The following ITPR1 variants were observed in gnomAD, a reference collection of about 807,000 sequenced individuals.
ITPR1 encodes inositol 1,4,5-trisphosphate receptor type 1.
ITPR1 carries 96 observed loss-of-function variants against 318.4 expected under a neutral mutation model. That is an observed-to-expected ratio of 0.30 (90% CI 0.26 to 0.36). The LOEUF (loss-of-function observed/expected upper bound fraction) is 0.36. Among genes scored for constraint, ITPR1 ranks in the 10% least tolerant of loss-of-function variants. The pLI is 1.00. For missense variants in ITPR1, 2,440 were observed against 3,460.2 expected, an observed-to-expected ratio of 0.71 and a Z score of 7.40; for synonymous variants, 1,312 against 1,289.9, an observed-to-expected ratio of 1.02 and a Z score of -0.37.
At chr3:4,670,424 A>G (rs1196664492) in intron 19 of ITPR1, among the ~76,000 whole-genome samples, 1 of 152,102 alleles carries the variant, frequency 6.6e-6, no homozygotes, top group Non-Finnish European at 1.5e-5. Flanking sequence ...GGCACTGTAA[A>G]ATGTTCAGCA....
intron 6 of ITPR1, among the ~76,000 whole-genome samples, chr3:4,640,328 T>A (rs13099733): frequency 0.045 from 6,873 of 152,278 alleles, 245 homozygotes; most frequent in East Asian, 0.16. Context: ...AAAAGCAACC[T>A]TTGGGGTTTA....
intron 33 of ITPR1, among the ~76,000 whole-genome samples, 160 bp downstream of exon 33, chr3:4,693,901 C>T (rs146916761): frequency 7.2e-4 from 109 of 152,352 alleles, no homozygotes; most frequent in Middle Eastern, 6.8e-3. Flanking sequence ...AAAACATTTT[C>T]TCGAGCATTG....
At chr3:4,517,153 G>T (rs1333124252) in intron 3 of ITPR1, among the ~76,000 whole-genome samples, 6 of 151,998 alleles carry the variant, frequency 3.9e-5, no homozygotes, top group Non-Finnish European at 8.8e-5. Context: ...AACTTTTAAG[G>T]GTATAAATAT....
chr3:4,507,819 G>C (rs2081501295), intron 2 of ITPR1, among the ~76,000 whole-genome samples: 1 of 152,180 alleles, frequency 6.6e-6, no homozygotes, highest in African/African-American at 2.4e-5. Context: ...GATGCTTATT[G>C]CTCTTAGGTT....
intron 6 of ITPR1, 68 bp from the exon 7 acceptor site, chr3:4,642,025 T>C: frequency 7.7e-7 from 1 of 1,305,564 alleles, no homozygotes; most frequent in Non-Finnish European, 1.0e-6. Context: ...GTTGGTATGA[T>C]TGAGAGAAGG....
intron 4 of ITPR1, among the ~76,000 whole-genome samples, chr3:4,525,853 C>G (rs1429708999): frequency 6.6e-6 from 1 of 152,164 alleles, no homozygotes; most frequent in Non-Finnish European, 1.5e-5. Context: ...AGTCCCTCCC[C>G]CAGCTCCCCC....
chr3:4,595,698 TG>T (rs78656895), intron 4 of ITPR1, among the ~76,000 whole-genome samples: 21,845 of 151,844 alleles, frequency 0.14, 2,583 homozygotes, highest in East Asian at 0.4. Flanking sequence ...GAGTAGGAGC[TG>T]GGGGTTGCAG....
chr3:4,800,281 A>T (rs947520728), intron 53 of ITPR1, 144 bp from the exon 54 acceptor site: 28 of 702,898 alleles, frequency 4.0e-5, no homozygotes, highest in Admixed American at 9.8e-5. Context: ...CTGGTTATGG[A>T]TGGGGCAGAG....
intron 30 of ITPR1, 146 bp downstream of exon 30, chr3:4,685,352 T>C: frequency 2.6e-6 from 2 of 771,904 alleles, no homozygotes; most frequent in Non-Finnish European, 3.9e-6. Flanking sequence ...GGTATTGATA[T>C]GAAACAGAGC....
At chr3:4,736,681 A>G (rs530999159) in intron 44 of ITPR1, among the ~76,000 whole-genome samples, 4 of 151,198 alleles carry the variant, frequency 2.6e-5, no homozygotes, top group African/African-American at 4.9e-5. Flanking sequence ...TTATTTTGTC[A>G]TGTGTGTGTG....
intron 55 of ITPR1, among the ~76,000 whole-genome samples, chr3:4,810,012 A>G (rs1575336121): frequency 6.6e-6 from 1 of 152,220 alleles, no homozygotes; most frequent in African/African-American, 2.4e-5. Context: ...GGAGGCAGAA[A>G]AGCCAATCGA....
intron 15 of ITPR1, among the ~76,000 whole-genome samples, chr3:4,662,800 C>T (rs1283113208): frequency 1.3e-5 from 2 of 152,152 alleles, no homozygotes; most frequent in African/African-American, 4.8e-5. Flanking sequence ...AACCACATTA[C>T]TAAATGTCAG....
chr3:4,704,557 G>C (rs571328823), intron 36 of ITPR1, among the ~76,000 whole-genome samples: 1 of 151,668 alleles, frequency 6.6e-6, no homozygotes, highest in Admixed American at 6.5e-5. Context: ...ATAAAAGTTG[G>C]AAAAAAGAAA....
chr3:4,608,445 A>G (rs1010691258), intron 4 of ITPR1, among the ~76,000 whole-genome samples: 2 of 152,152 alleles, frequency 1.3e-5, no homozygotes, highest in East Asian at 3.9e-4. Context: ...ACTCTGTTGT[A>G]TTCATCAGTC....
chr3:4,694,664 G>A (rs573660662), intron 33 of ITPR1, among the ~76,000 whole-genome samples: 11 of 152,264 alleles, frequency 7.2e-5, no homozygotes, highest in East Asian at 5.8e-4. Flanking sequence ...TCTCAGTACC[G>A]AAGGCAATTA....
In ITPR1 at chr3:4,662,196, A is replaced by G; in HGVS notation, c.1366A>G (p.Ile456Val). 1.2e-6 allele frequency: 2 copies of G among 1,612,626 alleles called. No homozygotes were observed. The highest frequency in any genetic ancestry group is 1.7e-6 in the Non-Finnish European group (2 of 1,179,028). The change falls in exon 15 of 62, where the codon ATT becomes GTT. Residue 456 changes from isoleucine to valine, a missense_variant. Around this residue, in one of 23 missense-constraint regions of ITPR1, gnomAD observed 478 missense variants for 696.3 expected, o/e 0.69. Transcript: ENST00000649015. ...TGATGCCAGCAAGGTGCTGGGCTCCATTGCTGGGAAGCTAGAGAAGGGCAC... is the reference window on the plus strand; with the variant it reads ...TGATGCCAGCAAGGTGCTGGGCTCCGTTGCTGGGAAGCTAGAGAAGGGCAC... ...ANDASKVLGS[I>V]AGKLEKGTIT...
intron 36 of ITPR1, among the ~76,000 whole-genome samples, chr3:4,704,382 A>T (rs993717856): frequency 4.6e-5 from 7 of 152,250 alleles, no homozygotes; most frequent in Non-Finnish European, 8.8e-5. Context: ...GCTGCACTCC[A>T]GCCTGGGCGA....
chr3:4,755,190 T>A (rs1218016228), intron 44 of ITPR1, among the ~76,000 whole-genome samples: 1 of 113,536 alleles, frequency 8.8e-6, no homozygotes, highest in Non-Finnish European at 1.9e-5. Context: ...TTTTTTTTTT[T>A]AGGAATTACT....
intron 4 of ITPR1, among the ~76,000 whole-genome samples, chr3:4,551,298 T>C (rs944567475): frequency 6.6e-6 from 1 of 152,230 alleles, no homozygotes; most frequent in Non-Finnish European, 1.5e-5. Context: ...GTTAGAATCA[T>C]AGCAGTATCA....
Sources: gnomAD v4.1 joint callset for allele counts (sites outside exome capture counted in the v4.1 genomes callset) on GRCh38, gnomAD v4.1.1 for gene constraint, gnomAD v4.1.1 regional missense constraint, MANE v1.5 for transcripts, NCBI Gene and HGNC (gene_info 2026-07-23, HGNC 2026-07-21) for gene names.